NRXN2: variants seen among roughly 807,000 people sequenced by gnomAD.
The protein encoded by NRXN2 is neurexin 2, also known as neurexin-2-beta.
NRXN2 carries 29 observed loss-of-function variants against 128.8 expected under a neutral mutation model. The observed-to-expected ratio is 0.23, with a 90% CI of 0.17 to 0.31. The LOEUF is 0.31. NRXN2 is among the 10% of genes least tolerant of loss of function. NRXN2 has a pLI of 1.00. For synonymous variants in NRXN2, 1,098 were observed against 1,075.2 expected, an observed-to-expected ratio of 1.02 and a Z score of -0.41; for missense variants, 1,881 against 2,452.6, an observed-to-expected ratio of 0.77 and a Z score of 4.92.
chr11:64,723,063 T>C lies in NRXN2; in HGVS notation c.-337A>G, dbSNP rs1205747845. 6.7e-6 allele frequency: 1 copy of C among 148,598 alleles called. No homozygotes were observed. The highest frequency in any genetic ancestry group is 1.5e-5 in the Non-Finnish European group (1 of 67,146). The allele number at this position is 148,598 out of a possible 1,614,324, so 9.2% of individuals were successfully genotyped here. A position where few individuals can be genotyped will look rare whatever the true frequency, so the allele number is the denominator to read the frequency against. On this transcript the variant is annotated 5_prime_UTR_variant, in exon 1 of 23. Coordinates refer to ENST00000265459, the MANE Select transcript of NRXN2 (RefSeq NM_015080.4). ...GGTGGCAGAGCCAGGGCTAGCGGTGTCTGCCGCCTCGCGCCTCTCTCCCTC... is the reference window on the plus strand; with the variant it reads ...GGTGGCAGAGCCAGGGCTAGCGGTGCCTGCCGCCTCGCGCCTCTCTCCCTC...
intron 4 of NRXN2, among the ~76,000 whole-genome samples, chr11:64,691,104 G>A (rs1030928709): frequency 4.6e-5 from 7 of 152,130 alleles, no homozygotes; most frequent in African/African-American, 1.7e-4. Context: ...GCTCACCCTT[G>A]CCCACTTCTT....
intron 1 of NRXN2, among the ~76,000 whole-genome samples, chr11:64,720,674 G>A (rs1439761476): frequency 8.4e-6 from 1 of 118,508 alleles, no homozygotes; most frequent in Non-Finnish European, 1.8e-5. Context: ...TAGCAAACAT[G>A]TGCTGGTGTG....
At chr11:64,644,111 G>A (rs1294157685) in intron 17 of NRXN2, among the ~76,000 whole-genome samples, 1 of 152,048 alleles carries the variant, frequency 6.6e-6, no homozygotes, top group East Asian at 1.9e-4. Context: ...TCTCAGGGGA[G>A]CATATACACA....
At chr11:64,611,387 T>TG (rs1342503073) in intron 22 of NRXN2, among the ~76,000 whole-genome samples, 1 of 152,222 alleles carries the variant, frequency 6.6e-6, no homozygotes, top group Non-Finnish European at 1.5e-5. Context: ...CACCAGCTGC[T>TG]GCTGGAAACC....
Position 64,713,686 on chromosome 11 carries a change from C to A in NRXN2, c.14G>T (p.Ser5Ile). 1 of 1,134,858 alleles carries A rather than the reference C, an allele frequency of 8.8e-7. No individual in the cohort carries two copies. The highest frequency in any genetic ancestry group is 1.1e-6 in the Non-Finnish European group (1 of 929,016). 70.3% of individuals were successfully genotyped at this position (1,134,858 alleles called of 1,614,324 possible). The part of the protein sequence containing the change: MASG[S>I]RWRPTPPPLL... ...CGGCGGCGGTGTCGGCCGCCACCGGCTCCCGGACGCCATGCCTACGGCGGC... is the reference window on the plus strand; with the variant it reads ...CGGCGGCGGTGTCGGCCGCCACCGGATCCCGGACGCCATGCCTACGGCGGC... The change falls in exon 2 of 23, where the codon AGC (serine) becomes ATC (isoleucine). Residue 5 changes from serine to isoleucine, a missense_variant. Ser to Ile is a moderately radical substitution (Grantham distance 142). Coordinates refer to ENST00000265459, the MANE Select transcript of NRXN2 (RefSeq NM_015080.4).
intron 2 of NRXN2, among the ~76,000 whole-genome samples, chr11:64,702,753 C>T (rs1192268100): frequency 6.9e-6 from 1 of 145,666 alleles, no homozygotes; most frequent in Non-Finnish European, 1.5e-5. Context: ...TGTCCTGTGA[C>T]CCTGCCAAAT....
intron 17 of NRXN2, chr11:64,642,460 C>T (rs912552109): frequency 1.7e-5 from 26 of 1,500,912 alleles, no homozygotes; most frequent in Non-Finnish European, 2.2e-5. Flanking sequence ...GTGGGGCCCG[C>T]GGGGGCCCAG....
chr11:64,626,392 G>A (rs2043071526), intron 20 of NRXN2, 71 bp downstream of exon 20: 4 of 1,274,444 alleles, frequency 3.1e-6, no homozygotes, highest in Non-Finnish European at 4.5e-6. Context: ...GAGGGGGAAA[G>A]AGAGAGCTCT....
chr11:64,656,297 G>T (rs578019398), intron 11 of NRXN2, among the ~76,000 whole-genome samples: 1 of 152,136 alleles, frequency 6.6e-6, no homozygotes, highest in African/African-American at 2.4e-5. Context: ...GGGATTAAAG[G>T]GCTTTGGGAT....
In NRXN2 at chr11:64,652,080, G is replaced by A; in HGVS notation, c.2491C>T (p.Arg831Cys). The A allele has an allele frequency of 1.2e-6, 2 of 1,613,270 alleles. No individual in the cohort carries two copies. Among genetic ancestry groups the A allele is most frequent in the Non-Finnish European group, 8.5e-7 (1 of 1,179,980 alleles). Residue 831 changes from arginine to cysteine, a missense_variant, in exon 13 of 23, where the codon CGT becomes TGT. Coordinates refer to ENST00000265459, the MANE Select transcript of NRXN2 (RefSeq NM_015080.4). ...NEWHTVRVVR[R>C]GKSLQLSVDN... ...ACAGACAGCTGCAGGCTCTTGCCAC[G>A]CCGGACCACCCTCACCGTGTGCCAC... is the stretch of plus-strand genomic sequence containing the variant.
chr11:64,642,793 C>T (rs2045932843), intron 17 of NRXN2: 1 of 1,157,092 alleles, frequency 8.6e-7, no homozygotes, highest in Non-Finnish European at 1.1e-6. Flanking sequence ...CCCGCTCCCC[C>T]CGGGGGGCAT....
rs1226437313 is a variant in NRXN2, at chr11:64,607,561, T to C, written c.4774A>G (p.Arg1592Gly). 3 of 1,536,158 alleles carry C rather than the reference T, an allele frequency of 2.0e-6. No individual in the cohort carries two copies. In the African/African-American group the frequency reaches 4.2e-5, roughly 21 times the overall value. Residue 1592 changes from arginine (R) to glycine (G), a missense_variant, in exon 23 of 23, where the codon AGG becomes GGG. By Grantham distance (125) the Arg-to-Gly change is moderately radical. Around this residue, in one of 7 missense-constraint regions of NRXN2, gnomAD observed 310 missense variants for 318.2 expected, o/e 0.97. Coordinates refer to ENST00000265459, the MANE Select transcript of NRXN2 (RefSeq NM_015080.4). ...PGAPTSFEPRRPPPLRPGVTS... is the reference protein window; with the variant it reads ...PGAPTSFEPRGPPPLRPGVTS... ...ACGCCGGGGCGCAGGGGAGGGGGCC[T>C]CCGCGGCTCAAAGGACGTGGGGGCC...
In NRXN2 at chr11:64,667,698, G is replaced by A. The variant is rs200674122; in HGVS notation, c.1360-10C>T. Reference sequence around the variant, plus strand: ...TGTTCTTATAGACCACCTGCAGGGAGGGGTGGGGTCAGGGATAAAGAATCC... The same window carrying A: ...TGTTCTTATAGACCACCTGCAGGGAAGGGTGGGGTCAGGGATAAAGAATCC... On this transcript the variant is annotated splice_polypyrimidine_tract_variant and intron_variant, in intron 8 of 22. Coordinates refer to ENST00000265459, the MANE Select transcript of NRXN2 (RefSeq NM_015080.4). The surrounding 1 kb of genome is among the most constrained non-coding windows in gnomAD (Gnocchi z 5.6). 5.6e-6 allele frequency: 9 copies of A among 1,613,538 alleles called. No individual in the cohort carries two copies. In the African/African-American group the frequency reaches 9.3e-5, roughly 17 times the overall value.
At chr11:64,695,259 G>A (rs763519095) in intron 3 of NRXN2, among the ~76,000 whole-genome samples, 1 of 152,150 alleles carries the variant, frequency 6.6e-6, no homozygotes, top group Non-Finnish European at 1.5e-5. Flanking sequence ...AAAGAGACTG[G>A]CAATGATGGA....
intron 17 of NRXN2, among the ~76,000 whole-genome samples, chr11:64,639,033 TGCCCCTGTGGTTAAAACTACATGTGCA>T (rs957496677): frequency 6.6e-6 from 1 of 152,238 alleles, no homozygotes; most frequent in African/African-American, 2.4e-5. Context: ...CATGCAGTGA[TGCCCCTGTGGTTAAAACTACATGTGCA>T]GAACCTCTGC....
chr11:64,709,063 G>A (rs553529837), intron 2 of NRXN2, among the ~76,000 whole-genome samples: 2 of 151,858 alleles, frequency 1.3e-5, no homozygotes, highest in African/African-American at 4.8e-5. Flanking sequence ...ATAGTGGCGG[G>A]CGCCTGTAAT....
intron 4 of NRXN2, among the ~76,000 whole-genome samples, chr11:64,692,575 T>C (rs1302138480): frequency 6.6e-6 from 1 of 151,978 alleles, no homozygotes; most frequent in Non-Finnish European, 1.5e-5. Context: ...TCTCTTGATG[T>C]CAGAAACCAA....
chr11:64,649,853 C>T (rs1426992933), intron 15 of NRXN2, among the ~76,000 whole-genome samples: 8 of 152,114 alleles, frequency 5.3e-5, no homozygotes, highest in Non-Finnish European at 1.2e-4. Context: ...GGCCTTAGCT[C>T]ACCCTCCTCC....
chr11:64,700,861 A>G (rs1477478983), intron 2 of NRXN2, among the ~76,000 whole-genome samples: 1 of 152,060 alleles, frequency 6.6e-6, no homozygotes, highest in Non-Finnish European at 1.5e-5. Flanking sequence ...CACATTCAAT[A>G]TGTCTAGGGT....
Sources: allele counts gnomAD v4.1 joint callset (sites outside exome capture counted in the v4.1 genomes callset), GRCh38; gene constraint gnomAD v4.1.1; regional missense constraint gnomAD v4.1.1; non-coding constraint Gnocchi (gnomAD v3.1); transcripts MANE v1.5; gene names NCBI Gene and HGNC (gene_info 2026-07-23, HGNC 2026-07-21).